The following CFAP44 variants were observed in gnomAD, a reference collection of about 807,000 sequenced individuals.
CFAP44 encodes cilia and flagella associated protein 44.
Under a neutral mutation model 216.2 loss-of-function variants are expected in CFAP44, and 134 were observed. That is an observed-to-expected ratio of 0.62 (90% CI 0.54 to 0.72). The LOEUF is 0.72. Ranked by LOEUF, CFAP44 falls within the 30% of genes least tolerant of loss-of-function variation. The pLI is 0.00. For synonymous variants in CFAP44, 700 were observed against 727.6 expected (o/e 0.96, Z 0.61); for missense variants, 2,035 against 2,182.1 (o/e 0.93, Z 1.34).
chr3:113,324,975 G>T (rs1342725310), intron 28 of CFAP44, among the ~76,000 whole-genome samples: 1 of 152,078 alleles, frequency 6.6e-6, no homozygotes, highest in East Asian at 1.9e-4. Context: ...TGAACATGAG[G>T]ACACTGAGAT....
chr3:113,420,112 A>G lies in CFAP44; in HGVS notation c.475T>C (p.Tyr159His), dbSNP rs752264279. 4 of 1,614,004 alleles carry G rather than the reference A, an allele frequency of 2.5e-6. No homozygotes were observed. The East Asian group carries it at 8.9e-5, about 36-fold the overall frequency. The stretch of plus-strand genomic sequence containing the variant: ...AAGATCAGTTGGTTCCCAGCTATGT[A>G]TATGGCGATACTGTCGTCCAGAAGT... Reference protein sequence around the residue: ...LQLLDDSIAIYIAGNQLIFLN... With the variant: ...LQLLDDSIAIHIAGNQLIFLN... Residue 159 changes from tyrosine (Y) to histidine (H), a missense_variant, in exon 5 of 35, where the codon TAC becomes CAC. This residue lies in a region of CFAP44 where 1,883 missense variants were observed against 2,023.7 expected (regional missense o/e 0.93). Transcript: ENST00000393845.
chr3:113,437,852 T>C (rs1181515412), intron 1 of CFAP44, among the ~76,000 whole-genome samples: 2 of 152,212 alleles, frequency 1.3e-5, no homozygotes, highest in Non-Finnish European at 1.5e-5. Context: ...CATTGTAACC[T>C]GTGGAGACTT....
chr3:113,416,542 G>T lies in CFAP44; in HGVS notation c.656C>A (p.Pro219Gln). The T allele has an allele frequency of 6.2e-7, 1 of 1,608,538 alleles. No individual in the cohort carries two copies. The highest frequency in any genetic ancestry group is 1.1e-5 in the South Asian group (1 of 90,620). The change falls in exon 6 of 35, where the codon CCA becomes CAA. Residue 219 changes from proline (P) to glutamine (Q), a missense_variant. Transcript: ENST00000393845. ...GGACTCACCTCGAAGGACTCTGTAT[G>T]GTCTCAGAGAAGGATATTCATAGAT... Reference protein sequence around the residue: ...IIIYEYPSLRPYRVLRDGTEK... With the variant: ...IIIYEYPSLRQYRVLRDGTEK...
chr3:113,420,315 C>T, intron 4 of CFAP44, 136 bp from the exon 5 acceptor site: 1 of 898,872 alleles, frequency 1.1e-6, no homozygotes, highest in Non-Finnish European at 1.5e-6. Context: ...TACCCTGAAA[C>T]TCATGATTTT....
chr3:113,390,208 A>G (rs1191388587), intron 15 of CFAP44, among the ~76,000 whole-genome samples: 2 of 152,200 alleles, frequency 1.3e-5, no homozygotes, highest in African/African-American at 4.8e-5. Context: ...AAATCAATCA[A>G]TGTGGTACAT....
chr3:113,439,679 G>A (rs1254952507), intron 1 of CFAP44, among the ~76,000 whole-genome samples: 1 of 152,204 alleles, frequency 6.6e-6, no homozygotes, highest in Non-Finnish European at 1.5e-5. Flanking sequence ...CTCTAAGGAA[G>A]TATAAAGAAA....
At chr3:113,399,509 G>A (rs79950250) in intron 13 of CFAP44, among the ~76,000 whole-genome samples, 6,219 of 144,460 alleles carry the variant, frequency 0.043, 412 homozygotes, top group African/African-American at 0.14. Flanking sequence ...GGTCCATGAG[G>A]GGCAAGTATT....
intron 22 of CFAP44, among the ~76,000 whole-genome samples, chr3:113,350,652 AGATCCTTGGCCCAGT>A (rs1461391775): frequency 1.3e-5 from 2 of 152,232 alleles, no homozygotes; most frequent in African/African-American, 4.8e-5. Flanking sequence ...TTCCTATCAG[AGATCCTTGGCCCAGT>A]GGCCCACAGA....
chr3:113,355,591 A>G (rs1353721788), intron 22 of CFAP44, among the ~76,000 whole-genome samples: 3 of 152,202 alleles, frequency 2.0e-5, no homozygotes, highest in Non-Finnish European at 4.4e-5. Context: ...GCTGGAAACC[A>G]TCATTCTCAG....
chr3:113,332,493 T>A (rs781750898), intron 25 of CFAP44, among the ~76,000 whole-genome samples: 2 of 152,222 alleles, frequency 1.3e-5, no homozygotes, highest in African/African-American at 4.8e-5. Flanking sequence ...AACCATGATG[T>A]GATTGGCACC....
At chr3:113,375,377 A>C (rs532967213) in intron 17 of CFAP44, among the ~76,000 whole-genome samples, 4 of 152,336 alleles carry the variant, frequency 2.6e-5, no homozygotes, top group Admixed American at 2.6e-4. Flanking sequence ...AATTGGAAAA[A>C]CAAACTTTAA....
At chr3:113,302,803 G>GAA (rs1157180852) in intron 32 of CFAP44, among the ~76,000 whole-genome samples, 1 of 142,680 alleles carries the variant, frequency 7.0e-6, no homozygotes, top group African/African-American at 2.6e-5. Context: ...AAAAAGAAAA[G>GAA]AAAAAAGACA....
chr3:113,351,190 G>A (rs1950441812), intron 22 of CFAP44, among the ~76,000 whole-genome samples: 1 of 152,212 alleles, frequency 6.6e-6, no homozygotes, highest in Non-Finnish European at 1.5e-5. Context: ...GACTGAACGA[G>A]ATCTTATTAA....
chr3:113,378,446 T>C (rs1159408513), intron 17 of CFAP44, among the ~76,000 whole-genome samples: 1 of 152,134 alleles, frequency 6.6e-6, no homozygotes, highest in African/African-American at 2.4e-5. Flanking sequence ...AAAGTTACAT[T>C]TCTAGGAAAA....
At chr3:113,306,154 G>C in intron 30 of CFAP44, 47 bp downstream of exon 30, 1 of 1,512,972 alleles carries the variant, frequency 6.6e-7, no homozygotes, top group East Asian at 2.5e-5. Context: ...TAGCTAGGAG[G>C]ATGTGTAGCA....
intron 32 of CFAP44, among the ~76,000 whole-genome samples, chr3:113,299,958 G>A (rs1448828612): frequency 6.6e-6 from 1 of 152,224 alleles, no homozygotes; most frequent in Non-Finnish European, 1.5e-5. Context: ...CTGAGCCTGA[G>A]AGGTCAAGGC....
intron 22 of CFAP44, among the ~76,000 whole-genome samples, chr3:113,350,208 C>T: frequency 6.7e-6 from 1 of 149,788 alleles, no homozygotes; most frequent in South Asian, 2.1e-4. Flanking sequence ...GACAGAGAGA[C>T]AAAGACAGAG....
intron 15 of CFAP44, among the ~76,000 whole-genome samples, chr3:113,388,724 A>C (rs990815707): frequency 1.3e-5 from 2 of 152,250 alleles, no homozygotes; most frequent in Non-Finnish European, 2.9e-5. Flanking sequence ...CAGAAATCAA[A>C]ATAGAGTAGA....
intron 29 of CFAP44, among the ~76,000 whole-genome samples, chr3:113,306,606 C>T (rs1161277919): frequency 2.6e-5 from 4 of 152,178 alleles, no homozygotes; most frequent in African/African-American, 7.2e-5. Context: ...GGCTCATAGA[C>T]CCTGCAAGGC....
Sources: gnomAD v4.1 joint callset for allele counts (sites outside exome capture counted in the v4.1 genomes callset) on GRCh38, gnomAD v4.1.1 for gene constraint, gnomAD v4.1.1 regional missense constraint, MANE v1.5 for transcripts, NCBI Gene and HGNC (gene_info 2026-07-23, HGNC 2026-07-21) for gene names.